The following CTIF variants were observed in gnomAD, a reference collection of about 807,000 sequenced individuals.
CTIF encodes CBP80/20-dependent translation initiation factor.
CTIF carries 21 observed loss-of-function variants against 66.0 expected under a neutral mutation model. The observed-to-expected ratio is 0.32, with a 90% CI of 0.23 to 0.46. The LOEUF (loss-of-function observed/expected upper bound fraction) is 0.46, where lower values mean the gene tolerates loss of function less well. Among genes scored for constraint, CTIF ranks in the 20% least tolerant of loss-of-function variants. The probability of loss-of-function intolerance (pLI) is 1.00; values close to 1 mark genes in which losing one functional copy is unlikely to be tolerated. For missense variants in CTIF, 739 were observed against 812.7 expected, an observed-to-expected ratio of 0.91 and a Z score of 1.10; for synonymous variants, 345 against 326.4, an observed-to-expected ratio of 1.06 and a Z score of -0.62.
At chr18:48,583,427 G>A (rs1203456616) in intron 1 of CTIF, among the ~76,000 whole-genome samples, 14 of 152,208 alleles carry the variant, frequency 9.2e-5, no homozygotes. Context: ...GGAGAGCTTT[G>A]AGTTCAGGTC....
chr18:48,788,051 C>T (rs1475995193), intron 9 of CTIF, among the ~76,000 whole-genome samples: 2 of 152,186 alleles, frequency 1.3e-5, no homozygotes, highest in African/African-American at 4.8e-5. Flanking sequence ...TCAGGGAGAG[C>T]AGCTTTGCTG....
intron 9 of CTIF, among the ~76,000 whole-genome samples, chr18:48,762,360 G>A (rs990547813): frequency 9.9e-5 from 15 of 152,180 alleles, no homozygotes; most frequent in African/African-American, 2.9e-4. Flanking sequence ...GAGTAGGCGC[G>A]TGCACTTGGA....
chr18:48,643,201 G>GA (rs1366145998), intron 3 of CTIF, among the ~76,000 whole-genome samples: 4 of 152,152 alleles, frequency 2.6e-5, no homozygotes. Context: ...AAGATTTGCT[G>GA]AAAAATCAAC....
intron 3 of CTIF, among the ~76,000 whole-genome samples, chr18:48,647,019 G>A (rs1448241828): frequency 4.7e-5 from 7 of 150,404 alleles, no homozygotes; most frequent in Non-Finnish European, 1.0e-4. Flanking sequence ...ACAAAAACTT[G>A]TACTCAACTG....
In CTIF at chr18:48,761,279, A is replaced by G. The variant is rs1222011867; in HGVS notation, c.1072-111A>G. The G allele has an allele frequency of 3.1e-6, 3 of 979,318 alleles. No homozygotes were observed. Among genetic ancestry groups the G allele is most frequent in the South Asian group, 1.6e-5 (1 of 61,916 alleles). The allele number at this position is 979,318 out of a possible 1,614,324, so 60.7% of individuals were successfully genotyped here. On this transcript the variant is annotated intron_variant, in intron 8 of 11. Coordinates refer to ENST00000256413, the MANE Select transcript of CTIF (RefSeq NM_014772.3). The surrounding 1 kb of genome is among the most constrained non-coding windows in gnomAD (Gnocchi z 4.2). ...AGGGACCAGCCCTCAGATCCAGGGA[A>G]GTAGGCCTGGTCCTGCTTTCTGGGG...
At chr18:48,773,945 C>T (rs890553644) in intron 9 of CTIF, among the ~76,000 whole-genome samples, 14 of 152,262 alleles carry the variant, frequency 9.2e-5, no homozygotes, top group African/African-American at 3.1e-4. Context: ...TTCAACCCTC[C>T]GCTCTAAGAG....
chr18:48,636,067 G>A (rs2144621239), intron 2 of CTIF, among the ~76,000 whole-genome samples: 1 of 152,336 alleles, frequency 6.6e-6, no homozygotes, highest in South Asian at 2.1e-4. Context: ...ACCACACTTT[G>A]GGACACAGCA....
At chr18:48,658,613 G>C (rs1731180206) in intron 3 of CTIF, among the ~76,000 whole-genome samples, 1 of 152,116 alleles carries the variant, frequency 6.6e-6, no homozygotes, top group Non-Finnish European at 1.5e-5. Flanking sequence ...ATGTATGTGT[G>C]TCTGGTATGT....
At position 48,670,663 on chromosome 18, in the gene CTIF, G is replaced by T. The variant is rs1252040598; in HGVS notation, c.432-6G>T. 1 of 1,613,696 alleles carries T rather than the reference G, an allele frequency of 6.2e-7. No homozygotes were observed. Among genetic ancestry groups the T allele is most frequent in the African/African-American group, 1.3e-5 (1 of 75,040 alleles). ...TTCCAATGCCTTTCTGTCTTTTCTG[G>T]TCCAGGTGTGGCAAAGGGAAGCTGG... is the stretch of plus-strand genomic sequence containing the variant. On this transcript the variant is annotated splice_region_variant and splice_polypyrimidine_tract_variant and intron_variant, in intron 5 of 11. Coordinates refer to ENST00000256413, the MANE Select transcript of CTIF (RefSeq NM_014772.3).
In CTIF at chr18:48,765,781, C is replaced by T. The variant is rs2046245; in HGVS notation, c.1371+4092C>T. ...GAGACCTTGGGGTCTCAGAGGACCC[C>T]GTCACCAATCCCACAGCTCCAAAAT... On this transcript the variant is annotated intron_variant, in intron 9 of 11. Coordinates refer to ENST00000256413, the MANE Select transcript of CTIF (RefSeq NM_014772.3). 4.1e-4 allele frequency among the ~76,000 whole-genome samples: 62 copies of T among 152,112 alleles called. 1 individual carries two copies. The highest frequency in any genetic ancestry group is 1.8e-3 in the Admixed American group (27 of 15,302).
intron 3 of CTIF, among the ~76,000 whole-genome samples, chr18:48,644,272 T>C (rs1006182844): frequency 1.3e-5 from 2 of 152,168 alleles, no homozygotes; most frequent in African/African-American, 4.8e-5. Context: ...GGTTGGGCAC[T>C]GGGCACTGGG....
At chr18:48,848,093 T>G (rs2069119365) in intron 10 of CTIF, among the ~76,000 whole-genome samples, 1 of 152,212 alleles carries the variant, frequency 6.6e-6, no homozygotes. Context: ...GTGGTTCTTC[T>G]GACTCTGCCT....
chr18:48,773,580 T>G (rs1056756312), intron 9 of CTIF, among the ~76,000 whole-genome samples: 2 of 152,202 alleles, frequency 1.3e-5, no homozygotes, highest in African/African-American at 4.8e-5. Context: ...CTCCAAGAGC[T>G]TCTGGGACAA....
At chr18:48,693,309 C>A (rs1364094257) in intron 6 of CTIF, among the ~76,000 whole-genome samples, 2 of 152,204 alleles carry the variant, frequency 1.3e-5, no homozygotes, top group African/African-American at 2.4e-5. Flanking sequence ...CCTGCTTGTT[C>A]TAAAAATACT....
At position 48,661,218 on chromosome 18, in the gene CTIF, C is replaced by G. The variant is rs73958905; in HGVS notation, c.253-2534C>G. On this transcript the variant is annotated intron_variant, in intron 3 of 11. Coordinates refer to ENST00000256413, the MANE Select transcript of CTIF (RefSeq NM_014772.3). The stretch of plus-strand genomic sequence containing the variant: ...AGAGCAGTGACCAAGAGGTGATCCA[C>G]TGAAGCTGAATTTATAGGCGCCAGA... Among the ~76,000 whole-genome samples the G allele has an allele frequency of 4.1e-3, 620 of 152,288 alleles. 1 individual carries two copies. Among genetic ancestry groups the G allele is most frequent in the African/African-American group, 0.013 (535 of 41,546 alleles).
At chr18:48,553,444 G>A (rs150658655) in intron 1 of CTIF, among the ~76,000 whole-genome samples, 4,387 of 152,236 alleles carry the variant, frequency 0.029, 95 homozygotes, top group Middle Eastern at 0.054. Flanking sequence ...GGCAGATGAC[G>A]GTGAGGAGCG....
intron 9 of CTIF, among the ~76,000 whole-genome samples, chr18:48,762,379 A>G (rs1909093341): frequency 6.6e-6 from 1 of 152,192 alleles, no homozygotes. Flanking sequence ...GACGGAGCTT[A>G]GCAATGTTTC....
At chr18:48,600,822 T>C (rs1303649016) in intron 1 of CTIF, among the ~76,000 whole-genome samples, 1 of 152,110 alleles carries the variant, frequency 6.6e-6, no homozygotes, top group African/African-American at 2.4e-5. Flanking sequence ...AGTTCTTCCC[T>C]TTCCCTGCAA....
intron 9 of CTIF, among the ~76,000 whole-genome samples, chr18:48,790,772 C>G (rs999998608): frequency 6.6e-6 from 1 of 152,206 alleles, no homozygotes; most frequent in Admixed American, 6.5e-5. Flanking sequence ...GCTGGAGCCA[C>G]GGGCGCCTGC....
Sources: allele counts gnomAD v4.1 joint callset (sites outside exome capture counted in the v4.1 genomes callset), GRCh38; gene constraint gnomAD v4.1.1; non-coding constraint Gnocchi (gnomAD v3.1); transcripts MANE v1.5; gene names NCBI Gene and HGNC (gene_info 2026-07-23, HGNC 2026-07-21).